The following HDAC9 variants were observed in gnomAD, a reference collection of about 807,000 sequenced individuals.
HDAC9 encodes histone deacetylase 9, also known as MEF-2 interacting transcription repressor (MITR) protein.
Under a neutral mutation model 139.4 loss-of-function variants are expected in HDAC9, and 41 were observed. The ratio of observed to expected loss-of-function variants is 0.29; its 90% CI spans 0.23 to 0.38. HDAC9 has a LOEUF of 0.38. HDAC9 is among the 10% of genes least tolerant of loss of function. The pLI is 1.00. For synonymous variants in HDAC9, 517 were observed against 476.2 expected, an observed-to-expected ratio of 1.09 and a Z score of -1.12; for missense variants, 1,147 against 1,297.0, an observed-to-expected ratio of 0.88 and a Z score of 1.78.
At chr7:18,690,015 C>T (rs771530667) in intron 12 of HDAC9, among the ~76,000 whole-genome samples, 1 of 151,982 alleles carries the variant, frequency 6.6e-6, no homozygotes, top group African/African-American at 2.4e-5. Context: ...GGTGTTTCAT[C>T]AAATGGCCTA....
intron 23 of HDAC9, among the ~76,000 whole-genome samples, chr7:18,943,935 G>A (rs931049900): frequency 1.2e-4 from 19 of 152,040 alleles, no homozygotes; most frequent in Admixed American, 5.9e-4. Context: ...TAACTTGATT[G>A]TCAATACAAT....
At chr7:18,618,791 A>G (rs1037730502) in intron 6 of HDAC9, among the ~76,000 whole-genome samples, 5 of 147,730 alleles carry the variant, frequency 3.4e-5, no homozygotes, top group African/African-American at 2.5e-5. Flanking sequence ...AGAAAGATTC[A>G]TAGCAGAATA....
At chr7:18,876,784 C>T (rs987669409) in intron 22 of HDAC9, among the ~76,000 whole-genome samples, 1 of 151,394 alleles carries the variant, frequency 6.6e-6, no homozygotes, top group Non-Finnish European at 1.5e-5. Context: ...CTCACTACAA[C>T]CTCTGCCTCC....
At chr7:18,675,675 G>A (rs902153082) in intron 12 of HDAC9, among the ~76,000 whole-genome samples, 11 of 151,848 alleles carry the variant, frequency 7.2e-5, no homozygotes, top group Admixed American at 7.2e-4. Context: ...TCATGTCCTA[G>A]CACACATAGA....
intron 1 of HDAC9, among the ~76,000 whole-genome samples, chr7:18,358,465 A>G (rs1363360052): frequency 6.6e-6 from 1 of 152,226 alleles, no homozygotes; most frequent in African/African-American, 2.4e-5. Flanking sequence ...GGAAACATGA[A>G]TATCTTGTGA....
rs1450802277 is a variant in HDAC9, at chr7:18,727,629, C to T, written c.1781C>T (p.Pro594Leu). ...CGTGCGCTCTCTGTGCGCCAAGCTC[C>T]GCTGGCTGCGGTTGGCATGGATGGA... ...HTRALSVRQAPLAAVGMDGLE... is the reference protein window; with the variant it reads ...HTRALSVRQALLAAVGMDGLE... The change falls in exon 13 of 26, where the codon CCG (proline) becomes CTG (leucine). Residue 594 changes from proline (P) to leucine (L), a missense_variant. Physicochemically the swap from Pro to Leu is moderately conservative, Grantham distance 98. Coordinates refer to ENST00000686413, the MANE Select transcript of HDAC9 (RefSeq NM_178425.4). 5 of 1,588,566 alleles carry T rather than the reference C, an allele frequency of 3.1e-6. No homozygotes were observed. In the African/African-American group the frequency reaches 5.5e-5, roughly 17 times the overall value.
intron 8 of HDAC9, among the ~76,000 whole-genome samples, chr7:18,640,988 G>A (rs543940356): frequency 1.3e-5 from 2 of 152,196 alleles, no homozygotes; most frequent in African/African-American, 4.8e-5. Context: ...AAGTTCAGCA[G>A]AATTGCTGTA....
At chr7:18,852,247 A>G (rs1235651278) in intron 21 of HDAC9, among the ~76,000 whole-genome samples, 1 of 152,214 alleles carries the variant, frequency 6.6e-6, no homozygotes, top group Non-Finnish European at 1.5e-5. Context: ...CTACAAGACA[A>G]TTAGAGAATG....
chr7:18,710,729 T>A (rs944349064), intron 12 of HDAC9, among the ~76,000 whole-genome samples: 3 of 152,282 alleles, frequency 2.0e-5, no homozygotes, highest in Admixed American at 2.0e-4. Context: ...CTAAGCAAAG[T>A]GAAAATGTAC....
At chr7:18,532,161 A>G (rs1563171821) in intron 2 of HDAC9, among the ~76,000 whole-genome samples, 1 of 152,104 alleles carries the variant, frequency 6.6e-6, no homozygotes, top group Non-Finnish European at 1.5e-5. Flanking sequence ...GAGGCAGGAG[A>G]ATTGCTTGAA....
chr7:18,257,028 A>G, intron 2 of HDAC9, among the ~76,000 whole-genome samples: 1 of 151,978 alleles, frequency 6.6e-6, no homozygotes, highest in Non-Finnish European at 1.5e-5. Flanking sequence ...GGTTGAAGCT[A>G]GAGTGAACCG....
At chr7:18,518,449 G>GT (rs1324068199) in intron 2 of HDAC9, among the ~76,000 whole-genome samples, 1 of 152,130 alleles carries the variant, frequency 6.6e-6, no homozygotes, top group East Asian at 1.9e-4. Context: ...CCTAGCAAAC[G>GT]TAAGTGATCA....
intron 1 of HDAC9, among the ~76,000 whole-genome samples, chr7:18,408,382 A>G (rs148560747): frequency 0.017 from 2,598 of 152,308 alleles, 82 homozygotes; most frequent in African/African-American, 0.06. Flanking sequence ...GCCTTTGAGT[A>G]TATAGGTATT....
intron 1 of HDAC9, among the ~76,000 whole-genome samples, chr7:18,471,200 A>C (rs113437859): frequency 0.013 from 2,024 of 152,186 alleles, 48 homozygotes; most frequent in African/African-American, 0.045. Context: ...TGGAACTATA[A>C]CCGGCACAGG....
In HDAC9 at chr7:18,974,547, G is replaced by C. The variant is rs117538122; in HGVS notation, c.3023-1259G>C. ...TGGATTCATTGACAGAATTGTTATTGTTTGGTTCAAATTAAAAACTTTATG... is the reference window on the plus strand; with the variant it reads ...TGGATTCATTGACAGAATTGTTATTCTTTGGTTCAAATTAAAAACTTTATG... On this transcript the variant is annotated intron_variant, in intron 24 of 25. Transcript: ENST00000686413. 7.5e-3 allele frequency among the ~76,000 whole-genome samples: 1,136 copies of C among 152,238 alleles called. 16 individuals carry two copies. Among genetic ancestry groups the C allele is most frequent in the Non-Finnish European group, 6.4e-3 (437 of 68,010 alleles).
intron 1 of HDAC9, among the ~76,000 whole-genome samples, chr7:18,484,017 G>A (rs1414214933): frequency 6.6e-6 from 1 of 151,874 alleles, no homozygotes; most frequent in East Asian, 1.9e-4. Flanking sequence ...GTAAAAAAGG[G>A]TACTTTAGTT....
At chr7:18,758,912 A>T (rs905692102) in intron 14 of HDAC9, among the ~76,000 whole-genome samples, 3 of 152,028 alleles carry the variant, frequency 2.0e-5, no homozygotes, top group Non-Finnish European at 2.9e-5. Context: ...AAGAATAAGT[A>T]CTTCCTTATA....
At chr7:18,553,154 A>G (rs2128670561) in intron 2 of HDAC9, among the ~76,000 whole-genome samples, 1 of 152,260 alleles carries the variant, frequency 6.6e-6, no homozygotes. Context: ...GCATGGCCCA[A>G]GTCAGCAGGA....
chr7:18,847,530 A>G (rs1399548699), intron 21 of HDAC9, among the ~76,000 whole-genome samples: 1 of 151,978 alleles, frequency 6.6e-6, no homozygotes, highest in Non-Finnish European at 1.5e-5. Flanking sequence ...TAAGTGAGGA[A>G]CCCTCCTGTG....
Sources: allele counts gnomAD v4.1 joint callset (sites outside exome capture counted in the v4.1 genomes callset), GRCh38; gene constraint gnomAD v4.1.1; transcripts MANE v1.5; gene names NCBI Gene and HGNC (gene_info 2026-07-23, HGNC 2026-07-21).